Variants in BRIP1 observed in about 807,000 individuals in gnomAD.
The protein encoded by BRIP1 is Fanconi anemia group J protein.
BRIP1 carries 88 observed loss-of-function variants against 119.7 expected under a neutral mutation model. The ratio of observed to expected loss-of-function variants is 0.74; its 90% CI spans 0.62 to 0.88. The LOEUF (loss-of-function observed/expected upper bound fraction) is 0.88, where lower values mean the gene tolerates loss of function less well. Among genes scored for constraint, BRIP1 ranks in the 40% least tolerant of loss-of-function variants. The pLI is 0.00. For missense variants in BRIP1, 1,259 were observed against 1,455.4 expected (o/e 0.87, Z 2.20); for synonymous variants, 443 against 496.5 (o/e 0.89, Z 1.43).
intron 3 of BRIP1, among the ~76,000 whole-genome samples, chr17:61,858,182 A>G (rs185114214): frequency 2.4e-4 from 37 of 152,260 alleles, no homozygotes; most frequent in African/African-American, 8.4e-4. Context: ...CCCCCAAAAA[A>G]GCTAAATAAT....
intron 17 of BRIP1, among the ~76,000 whole-genome samples, chr17:61,714,904 C>T (rs1435665512): frequency 2.0e-5 from 3 of 150,792 alleles, no homozygotes; most frequent in Non-Finnish European, 3.0e-5. Flanking sequence ...CAGGCTCAAG[C>T]GATCCTCCTA....
At position 61,793,947 on chromosome 17, in the gene BRIP1, G is replaced by C. The variant is rs2077861346; in HGVS notation, c.1341-218C>G. On this transcript the variant is annotated intron_variant, in intron 9 of 19. Transcript: ENST00000259008. This position sits in a 1 kb window ranked among gnomAD's most constrained non-coding sequence, Gnocchi z 5.2. ...CTGAAAAGAAAGCTTTTATTCAGAA[G>C]AAACAAACATGCATATGATTTCCCA... Among the ~76,000 whole-genome samples the C allele has an allele frequency of 6.6e-6, 1 of 152,046 alleles. No homozygotes were observed. Among genetic ancestry groups the C allele is most frequent in the Non-Finnish European group, 1.5e-5 (1 of 67,968 alleles).
In BRIP1 at chr17:61,729,393, TA is replaced by T. The variant is rs1247585127; in HGVS notation, c.2380-13331del. 1.3e-5 allele frequency among the ~76,000 whole-genome samples: 2 copies of T among 152,032 alleles called. No homozygotes were observed. Among genetic ancestry groups the T allele is most frequent in the East Asian group, 1.9e-4 (1 of 5,184 alleles). On this transcript the variant is annotated intron_variant, in intron 16 of 19. Coordinates refer to ENST00000259008, the MANE Select transcript of BRIP1 (RefSeq NM_032043.3). This position sits in a 1 kb window ranked among gnomAD's most constrained non-coding sequence, Gnocchi z 5.6. ...TGTACATAATAACTATAGATTTAAT[TA>T]AAAATTGTAATGTAACTATCTTGGG...
At position 61,699,547 on chromosome 17, in the gene BRIP1, C is replaced by T. The variant is rs913076829; in HGVS notation, c.2493-6035G>A. Among the ~76,000 whole-genome samples, 1 of 152,072 alleles carries T rather than the reference C, an allele frequency of 6.6e-6. No individual in the cohort carries two copies. The highest frequency in any genetic ancestry group is 6.5e-5 in the Admixed American group (1 of 15,272). On this transcript the variant is annotated intron_variant, in intron 17 of 19. Transcript: ENST00000259008. The surrounding 1 kb of genome is among the most constrained non-coding windows in gnomAD (Gnocchi z 4.8). Reference sequence around the variant, plus strand: ...AATTTCAATAGTACAAAAAAATGGTCCTTCTGTTCCCTCATCTGTCACCTT... The same window carrying T: ...AATTTCAATAGTACAAAAAAATGGTTCTTCTGTTCCCTCATCTGTCACCTT...
chr17:61,776,319 T>G lies in BRIP1; in HGVS notation c.2097+82A>C. On this transcript the variant is annotated intron_variant, in intron 14 of 19. Transcript: ENST00000259008. The surrounding 1 kb of genome is among the most constrained non-coding windows in gnomAD (Gnocchi z 5.0). The stretch of plus-strand genomic sequence containing the variant: ...TGCCTCTACCCTAGGAAGCTTACTG[T>G]GGTAATTTTAAAATTAGCATGCCAA... 1 of 1,497,566 alleles carries G rather than the reference T, an allele frequency of 6.7e-7. No individual in the cohort carries two copies. The highest frequency in any genetic ancestry group is 9.3e-7 in the Non-Finnish European group (1 of 1,075,820). 92.8% of individuals were successfully genotyped at this position (1,497,566 alleles called of 1,614,324 possible). A position where few individuals can be genotyped will look rare whatever the true frequency, so the allele number is the denominator to read the frequency against.
In BRIP1 at chr17:61,769,487, A is replaced by G. The variant is rs1014687786; in HGVS notation, c.2097+6914T>C. On this transcript the variant is annotated intron_variant, in intron 14 of 19. Transcript: ENST00000259008. The surrounding 1 kb of genome is among the most constrained non-coding windows in gnomAD (Gnocchi z 4.9). ...TACATTTAATAACTGTAGTCACTGT[A>G]CTATGTGAGAATTGACAACGGTACT... is the stretch of plus-strand genomic sequence containing the variant. Among the ~76,000 whole-genome samples, 2 of 152,162 alleles carry G rather than the reference A, an allele frequency of 1.3e-5. No individual in the cohort carries two copies. The highest frequency in any genetic ancestry group is 2.9e-5 in the Non-Finnish European group (2 of 68,042).
At position 61,757,570 on chromosome 17, in the gene BRIP1, T is replaced by C. The variant is rs2077216810; in HGVS notation, c.2098-12979A>G. 6.6e-6 allele frequency among the ~76,000 whole-genome samples: 1 copy of C among 152,158 alleles called. No individual in the cohort carries two copies. Among genetic ancestry groups the C allele is most frequent in the Non-Finnish European group, 1.5e-5 (1 of 68,028 alleles). ...CAGTAATGCACTAGTGACACCTGAT[T>C]TACAGTTACTTCTTGATACATTCTG... On this transcript the variant is annotated intron_variant, in intron 14 of 19. Transcript: ENST00000259008. This position sits in a 1 kb window ranked among gnomAD's most constrained non-coding sequence, Gnocchi z 4.3.
chr17:61,847,119 G>C lies in BRIP1; in HGVS notation c.609C>G (p.Asn203Lys), dbSNP rs2078745861. ...VKLNSPLEKI[N>K]SFSPQKPPGH... ...TACATACTTTCTGTGGCGAAAAGGA[G>C]TTTATCTTTTCCAGTGGAGAGTTGA... Residue 203 changes from asparagine to lysine, a missense_variant, in exon 6 of 20, where the codon AAC (asparagine) becomes AAG (lysine). Physicochemically the swap from Asn to Lys is moderately conservative, Grantham distance 94. This residue lies in a region of BRIP1 where 501 missense variants were observed against 544.0 expected (regional missense o/e 0.92). Transcript: ENST00000259008. 6.2e-7 allele frequency: 1 copy of C among 1,613,722 alleles called. No homozygotes were observed. Among genetic ancestry groups the C allele is most frequent in the Non-Finnish European group, 8.5e-7 (1 of 1,179,816 alleles).
At chr17:61,817,921 C>G (rs1303915120) in intron 6 of BRIP1, among the ~76,000 whole-genome samples, 4 of 152,148 alleles carry the variant, frequency 2.6e-5, no homozygotes, top group Non-Finnish European at 5.9e-5. Flanking sequence ...TTTTTGTAGA[C>G]TAGTAAACTA....
chr17:61,838,167 C>T (rs965961882), intron 6 of BRIP1, among the ~76,000 whole-genome samples: 19 of 152,022 alleles, frequency 1.2e-4, no homozygotes, highest in Non-Finnish European at 2.6e-4. Context: ...TTTATGAATC[C>T]AAATAAATAT....
rs1259452300 is a variant in BRIP1, at chr17:61,861,405, A to T, written c.93+42T>A. 3.2e-6 allele frequency: 4 copies of T among 1,256,770 alleles called. No homozygotes were observed. Among genetic ancestry groups the T allele is most frequent in the Non-Finnish European group, 4.7e-6 (4 of 856,416 alleles). The allele number at this position is 1,256,770 out of a possible 1,614,324, so 77.9% of individuals were successfully genotyped here. ...TCAATGTACTTTATGGGTCATAAGT[A>T]TCTATATCTTAATAAAAACTTAACT... On this transcript the variant is annotated intron_variant, in intron 2 of 19. Transcript: ENST00000259008. The surrounding 1 kb of genome is among the most constrained non-coding windows in gnomAD (Gnocchi z 4.5).
rs566520089 is a variant in BRIP1, at chr17:61,848,771, T to C, written c.507+358A>G. ...AAAATATCCATAACATGAATAATCA[T>C]ATCAAAGGTATTTTAGCCAAAAGGA... is the stretch of plus-strand genomic sequence containing the variant. On this transcript the variant is annotated intron_variant, in intron 5 of 19. Transcript: ENST00000259008. The surrounding 1 kb of genome is among the most constrained non-coding windows in gnomAD (Gnocchi z 4.3). 1.3e-5 allele frequency among the ~76,000 whole-genome samples: 2 copies of C among 152,286 alleles called. No homozygotes were observed. The highest frequency in any genetic ancestry group is 2.1e-4 in the South Asian group (1 of 4,830).
In BRIP1 at chr17:61,780,314, C is replaced by G. The variant is rs2145077285; in HGVS notation, c.1882G>C (p.Gly628Arg). The G allele has an allele frequency of 1.2e-6, 2 of 1,611,912 alleles. No homozygotes were observed. The highest frequency in any genetic ancestry group is 1.7e-6 in the Non-Finnish European group (2 of 1,178,308). Residue 628 changes from glycine (G) to arginine (R), a missense_variant, in exon 13 of 20, where the codon GGT (glycine) becomes CGT (arginine). Physicochemically the swap from Gly to Arg is moderately radical, Grantham distance 125 (BLOSUM62 -2). Coordinates refer to ENST00000259008, the MANE Select transcript of BRIP1 (RefSeq NM_032043.3). The surrounding 1 kb of genome is among the most constrained non-coding windows in gnomAD (Gnocchi z 5.4). ...TCCAGCTGGATAGTAAATGTAACAC[C>G]AAGTTCTGACGAAAAGGATTTCATT... is the stretch of plus-strand genomic sequence containing the variant. ...SPMKSFSSEL[G>R]VTFTIQLEAN... is the part of the protein sequence containing the mutation.
rs182102186 is a variant in BRIP1, at chr17:61,781,141, C to G, written c.1629-136G>C. On this transcript the variant is annotated intron_variant, in intron 11 of 19. Transcript: ENST00000259008. ...CTTCCCATTCAAAAATAACATTCTC[C>G]TTACCATTAATTAAATTCAGTAATT... The G allele has an allele frequency of 3.1e-5, 23 of 751,914 alleles. No individual in the cohort carries two copies. The East Asian group carries it at 4.6e-4, about 15-fold the overall frequency. 46.6% of individuals were successfully genotyped at this position (751,914 alleles called of 1,614,324 possible).
At chr17:61,829,477 T>C (rs187861866) in intron 6 of BRIP1, among the ~76,000 whole-genome samples, 20 of 148,134 alleles carry the variant, frequency 1.4e-4, no homozygotes, top group Middle Eastern at 3.4e-3. Context: ...ACCCTTACAG[T>C]ATTCTCTAAT....
chr17:61,805,093 G>A lies in BRIP1; in HGVS notation c.918+3374C>T, dbSNP rs900555736. Reference sequence around the variant, plus strand: ...ATATGCATATATATAATCTTTACATGTATTTTTATCTATGAATTATCCAAA... The same window carrying A: ...ATATGCATATATATAATCTTTACATATATTTTTATCTATGAATTATCCAAA... On this transcript the variant is annotated intron_variant, in intron 7 of 19. Coordinates refer to ENST00000259008, the MANE Select transcript of BRIP1 (RefSeq NM_032043.3). This position sits in a 1 kb window ranked among gnomAD's most constrained non-coding sequence, Gnocchi z 5.6. 5.3e-5 allele frequency among the ~76,000 whole-genome samples: 8 copies of A among 151,386 alleles called. No homozygotes were observed. The highest frequency in any genetic ancestry group is 2.0e-4 in the Admixed American group (3 of 15,192).
chr17:61,768,957 A>G lies in BRIP1; in HGVS notation c.2097+7444T>C, dbSNP rs918760233. On this transcript the variant is annotated intron_variant, in intron 14 of 19. Transcript: ENST00000259008. The surrounding 1 kb of genome is among the most constrained non-coding windows in gnomAD (Gnocchi z 5.0). ...GCTTTGAAGAAGGAAAAAAAAAAGT[A>G]GTAGTAGTAATAAGCTGCCACGTTG... 2.6e-5 allele frequency among the ~76,000 whole-genome samples: 4 copies of G among 152,126 alleles called. No individual in the cohort carries two copies. The highest frequency in any genetic ancestry group is 9.7e-5 in the African/African-American group (4 of 41,426).
At position 61,799,929 on chromosome 17, in the gene BRIP1, G is replaced by C. The variant is rs2077964524; in HGVS notation, c.1141-630C>G. On this transcript the variant is annotated intron_variant, in intron 8 of 19. Coordinates refer to ENST00000259008, the MANE Select transcript of BRIP1 (RefSeq NM_032043.3). This position sits in a 1 kb window ranked among gnomAD's most constrained non-coding sequence, Gnocchi z 5.1. Reference sequence around the variant, plus strand: ...AAAGGACATCACCACTTTCACAATGGGGGTAAGGCCCAGGATTGTCAGTTA... The same window carrying C: ...AAAGGACATCACCACTTTCACAATGCGGGTAAGGCCCAGGATTGTCAGTTA... Among the ~76,000 whole-genome samples the C allele has an allele frequency of 1.3e-5, 2 of 151,908 alleles. No individual in the cohort carries two copies. The highest frequency in any genetic ancestry group is 4.2e-4 in the South Asian group (2 of 4,816).
At position 61,743,258 on chromosome 17, in the gene BRIP1, A is replaced by C. The variant is rs2077011695; in HGVS notation, c.2258-124T>G. On this transcript the variant is annotated intron_variant, in intron 15 of 19. Coordinates refer to ENST00000259008, the MANE Select transcript of BRIP1 (RefSeq NM_032043.3). The surrounding 1 kb of genome is among the most constrained non-coding windows in gnomAD (Gnocchi z 4.3). Reference sequence around the variant, plus strand: ...AAATTTAAAATAATCAAAATAAAACACTATTATGAGATAAAGTTTTAAAAG... The same window carrying C: ...AAATTTAAAATAATCAAAATAAAACCCTATTATGAGATAAAGTTTTAAAAG... The C allele has an allele frequency of 4.1e-6, 5 of 1,227,896 alleles. No individual in the cohort carries two copies. The highest frequency in any genetic ancestry group is 1.9e-4 in the Middle Eastern group (1 of 5,238). 76.1% of individuals were successfully genotyped at this position (1,227,896 alleles called of 1,614,324 possible).
Sources: allele counts gnomAD v4.1 joint callset (sites outside exome capture counted in the v4.1 genomes callset), GRCh38; gene constraint gnomAD v4.1.1; regional missense constraint gnomAD v4.1.1; non-coding constraint Gnocchi (gnomAD v3.1); transcripts MANE v1.5; gene names NCBI Gene and HGNC (gene_info 2026-07-23, HGNC 2026-07-21).